Variants in NREP observed in about 807,000 individuals in gnomAD.
The protein encoded by NREP is neuronal regeneration-related protein.
In NREP, 5 loss-of-function variants were observed where a neutral mutation model predicts 8.6. The ratio of observed to expected loss-of-function variants is 0.58; its 90% confidence interval spans 0.30 to 1.22. The LOEUF is 1.22. Ranked by LOEUF, NREP falls within the 50% of genes most tolerant of loss-of-function variation. NREP has a pLI of 0.07. For missense variants in NREP, 86 were observed against 82.5 expected, an observed-to-expected ratio of 1.04 and a Z score of -0.17; for synonymous variants, 27 against 28.0, an observed-to-expected ratio of 0.96 and a Z score of 0.11.
chr5:111,867,546 GGT>G (rs1753696524), intron 2 of NREP, among the ~76,000 whole-genome samples: 1 of 151,952 alleles, frequency 6.6e-6, no homozygotes, highest in Non-Finnish European at 1.5e-5. Context: ...TGAGATCTTG[GGT>G]GTTAGTGTTT....
intron 2 of NREP, among the ~76,000 whole-genome samples, chr5:111,908,632 T>C (rs1754833083): frequency 6.6e-6 from 1 of 151,496 alleles, no homozygotes; most frequent in East Asian, 1.9e-4. Context: ...CTGCATAGTA[T>C]TTCATGTTGT....
intron 2 of NREP, among the ~76,000 whole-genome samples, chr5:111,778,858 T>G (rs998499494): frequency 2.0e-5 from 3 of 152,170 alleles, no homozygotes; most frequent in African/African-American, 4.8e-5. Flanking sequence ...CAGCATACGA[T>G]GATTTTTTAA....
chr5:111,821,333 A>T (rs1188566463), intron 2 of NREP, among the ~76,000 whole-genome samples: 1 of 152,124 alleles, frequency 6.6e-6, no homozygotes, highest in Non-Finnish European at 1.5e-5. Flanking sequence ...CCAGACACAA[A>T]TATTTTTAGC....
At chr5:111,932,244 A>G (rs964129796) in intron 2 of NREP, among the ~76,000 whole-genome samples, 3 of 152,038 alleles carry the variant, frequency 2.0e-5, no homozygotes, top group Non-Finnish European at 2.9e-5. Flanking sequence ...AAAAATACCT[A>G]TGAGCATTTC....
intron 2 of NREP, among the ~76,000 whole-genome samples, chr5:111,967,699 G>A (rs1020779467): frequency 2.6e-5 from 4 of 151,980 alleles, no homozygotes; most frequent in South Asian, 4.2e-4. Context: ...TGTGAGGATC[G>A]CCTCTGCCCG....
intron 2 of NREP, chr5:111,739,593 C>T (rs186824549): frequency 2.2e-4 from 33 of 152,324 alleles, no homozygotes; most frequent in African/African-American, 6.5e-4. Flanking sequence ...GCTGCCCATT[C>T]TTCTTGGTGC....
At chr5:111,874,929 C>G (rs901779528) in intron 2 of NREP, among the ~76,000 whole-genome samples, 1 of 152,066 alleles carries the variant, frequency 6.6e-6, no homozygotes, top group Admixed American at 6.6e-5. Context: ...ATCACATTAC[C>G]AAAGATTTTT....
In NREP at chr5:111,757,181, T is replaced by C. The variant is rs1750769652; in HGVS notation, c.-104A>G. The C allele has an allele frequency of 1.0e-6, 1 of 958,358 alleles. No homozygotes were observed. The highest frequency in any genetic ancestry group is 9.3e-5 in the Admixed American group (1 of 10,758). The allele number at this position is 958,358 out of a possible 1,614,324, so 59.4% of individuals were successfully genotyped here. Reference sequence around the variant, plus strand: ...GTTCACTCTCTCTCCTCTCTACACCTGAAACACAAATGTGGTTGAAAAAGG... The same window carrying C: ...GTTCACTCTCTCTCCTCTCTACACCCGAAACACAAATGTGGTTGAAAAAGG... On this transcript the variant is annotated 5_prime_UTR_variant, in exon 1 of 4. Transcript: ENST00000257435.
chr5:111,756,408 T>A (rs1750714443), intron 1 of NREP, among the ~76,000 whole-genome samples: 1 of 151,796 alleles, frequency 6.6e-6, no homozygotes, highest in Admixed American at 6.6e-5. Context: ...ACTGCTGCAG[T>A]GATTTACCCT....
Position 111,941,464 on chromosome 5 carries a change from C to T in NREP, c.135+33810G>A, listed in dbSNP as rs75804524. On this transcript the variant is annotated intron_variant, in intron 2 of 3. Transcript: ENST00000395634. ...ATTGGCTTGTAGATGGCTGTCTTCT[C>T]CACATCTTCACATGGTCTTTCCTCT... 4.4e-3 allele frequency among the ~76,000 whole-genome samples: 672 copies of T among 152,188 alleles called. 7 individuals carry two copies. The highest frequency in any genetic ancestry group is 0.016 in the African/African-American group (648 of 41,566).
At chr5:111,896,597 C>A (rs74910820) in intron 2 of NREP, among the ~76,000 whole-genome samples, 1 of 152,248 alleles carries the variant, frequency 6.6e-6, no homozygotes, top group Non-Finnish European at 1.5e-5. Context: ...CCATTTAAAC[C>A]GGAGTATCTG....
chr5:111,861,482 G>A (rs1753541946), intron 2 of NREP, among the ~76,000 whole-genome samples: 1 of 152,090 alleles, frequency 6.6e-6, no homozygotes, highest in Non-Finnish European at 1.5e-5. Flanking sequence ...ATAGGCTCCA[G>A]TATTTCTTTC....
intron 2 of NREP, among the ~76,000 whole-genome samples, chr5:111,809,954 G>C (rs1752234411): frequency 6.6e-6 from 1 of 150,922 alleles, no homozygotes; most frequent in Non-Finnish European, 1.5e-5. Context: ...CAAATCTCTA[G>C]ACTAGCTAGA....
At chr5:111,975,629 A>G (rs1164017712) in intron 1 of NREP, among the ~76,000 whole-genome samples, 1 of 152,226 alleles carries the variant, frequency 6.6e-6, no homozygotes, top group African/African-American at 2.4e-5. Flanking sequence ...TTTGACAAAG[A>G]AAATGGTTAT....
At chr5:111,803,537 G>C (rs1752065624) in intron 2 of NREP, among the ~76,000 whole-genome samples, 1 of 151,970 alleles carries the variant, frequency 6.6e-6, no homozygotes, top group South Asian at 2.1e-4. Flanking sequence ...GCATTTGGGG[G>C]TCTCCCTTTG....
chr5:111,874,513 A>C (rs1753860980), intron 2 of NREP, among the ~76,000 whole-genome samples: 1 of 152,126 alleles, frequency 6.6e-6, no homozygotes, highest in Non-Finnish European at 1.5e-5. Flanking sequence ...GTCTATGAAA[A>C]AATTTGGGGA....
At chr5:111,952,184 G>C (rs986618153) in intron 2 of NREP, among the ~76,000 whole-genome samples, 1 of 152,078 alleles carries the variant, frequency 6.6e-6, no homozygotes, top group Non-Finnish European at 1.5e-5. Flanking sequence ...GAAATGAGAG[G>C]AAAGAAGCCC....
At chr5:111,930,406 T>A (rs191399552) in intron 2 of NREP, among the ~76,000 whole-genome samples, 133 of 152,310 alleles carry the variant, frequency 8.7e-4, no homozygotes, top group Admixed American at 2.0e-3. Context: ...ATCTCTAAAC[T>A]TTCCCTTCTA....
At chr5:111,961,421 G>A (rs948748233) in intron 2 of NREP, among the ~76,000 whole-genome samples, 18 of 152,188 alleles carry the variant, frequency 1.2e-4, no homozygotes, top group Non-Finnish European at 1.0e-4. Flanking sequence ...ACTTAGCAGA[G>A]CTTCCTTAAT....
Sources: allele counts gnomAD v4.1 joint callset (sites outside exome capture counted in the v4.1 genomes callset), GRCh38; gene constraint gnomAD v4.1.1; transcripts MANE v1.5; gene names NCBI Gene and HGNC (gene_info 2026-07-23, HGNC 2026-07-21).